IKZF2: variants seen among roughly 807,000 people sequenced by gnomAD.
The protein encoded by IKZF2 is IKAROS family zinc finger 2.
A neutral mutation model predicts 49.2 loss-of-function variants in IKZF2; 15 were observed. That is an observed-to-expected ratio of 0.30 (90% CI 0.20 to 0.47). The LOEUF (loss-of-function observed/expected upper bound fraction) is 0.47, where lower values mean the gene tolerates loss of function less well. Among genes scored for constraint, IKZF2 ranks in the 20% least tolerant of loss-of-function variants. The pLI is 1.00. For missense variants in IKZF2, 567 were observed against 664.6 expected, an observed-to-expected ratio of 0.85 and a Z score of 1.61; for synonymous variants, 227 against 221.4, an observed-to-expected ratio of 1.03 and a Z score of -0.23.
intron 4 of IKZF2, among the ~76,000 whole-genome samples, chr2:213,144,878 A>G (rs1559330963): frequency 6.6e-6 from 1 of 151,980 alleles, no homozygotes; most frequent in Non-Finnish European, 1.5e-5. Flanking sequence ...AGTTTATCTT[A>G]GATGCTAAAT....
intron 4 of IKZF2, among the ~76,000 whole-genome samples, chr2:213,086,603 C>A (rs895478983): frequency 2.0e-5 from 3 of 152,102 alleles, no homozygotes; most frequent in Non-Finnish European, 2.9e-5. Flanking sequence ...CTAAAGATGT[C>A]CAGAGATTGC....
intron 7 of IKZF2, chr2:213,016,894 C>A (rs1696672191): frequency 2.6e-5 from 4 of 152,128 alleles, no homozygotes. Context: ...AGTACCTGGA[C>A]TGAGGGTCCC....
At chr2:213,030,192 T>C (rs2125171635) in intron 6 of IKZF2, among the ~76,000 whole-genome samples, 1 of 152,278 alleles carries the variant, frequency 6.6e-6, no homozygotes, top group East Asian at 1.9e-4. Context: ...GTTTCCCACG[T>C]TGTGATTTCT....
At chr2:213,048,868 C>A (rs1369974936) in intron 6 of IKZF2, among the ~76,000 whole-genome samples, 1 of 151,980 alleles carries the variant, frequency 6.6e-6, no homozygotes, top group Non-Finnish European at 1.5e-5. Context: ...ATTAAAATAT[C>A]ACTTCCATCA....
intron 4 of IKZF2, among the ~76,000 whole-genome samples, chr2:213,102,786 T>A (rs1361915637): frequency 6.6e-6 from 1 of 152,034 alleles, no homozygotes; most frequent in Non-Finnish European, 1.5e-5. Context: ...AAAATTTTTT[T>A]AAAAAGAAGT....
chr2:213,096,676 T>C (rs1706034136), intron 4 of IKZF2, among the ~76,000 whole-genome samples: 1 of 151,984 alleles, frequency 6.6e-6, no homozygotes, highest in Non-Finnish European at 1.5e-5. Context: ...GATAAATCTG[T>C]CTGCATTTCT....
intron 4 of IKZF2, among the ~76,000 whole-genome samples, chr2:213,107,340 C>A (rs901079103): frequency 1.3e-5 from 2 of 152,194 alleles, no homozygotes; most frequent in East Asian, 3.9e-4. Flanking sequence ...GAGATGATCA[C>A]TGTGAGGTCT....
rs1697275177 is a variant in IKZF2 at position 213,021,974 on chromosome 2, G to C, written c.712+19C>G. ...AGCAGTAGGGGGAAATAAAAATGATGAATCCAGTTTCTACCCACCATGGTG... is the reference window on the plus strand; with the variant it reads ...AGCAGTAGGGGGAAATAAAAATGATCAATCCAGTTTCTACCCACCATGGTG... On this transcript the variant is annotated intron_variant, in intron 7 of 8. Coordinates refer to ENST00000434687, the MANE Select transcript of IKZF2 (RefSeq NM_001387220.1). 1.3e-6 allele frequency: 2 copies of C among 1,591,526 alleles called. No homozygotes were observed. The highest frequency in any genetic ancestry group is 1.4e-5 in the African/African-American group (1 of 73,824).
intron 4 of IKZF2, among the ~76,000 whole-genome samples, chr2:213,074,806 C>T (rs1189934349): frequency 6.6e-6 from 1 of 152,116 alleles, no homozygotes; most frequent in African/African-American, 2.4e-5. Flanking sequence ...TTCTCTTAAA[C>T]ATTCTATAAA....
chr2:213,126,754 C>A (rs2060274182), intron 4 of IKZF2, among the ~76,000 whole-genome samples: 1 of 152,066 alleles, frequency 6.6e-6, no homozygotes, highest in East Asian at 1.9e-4. Context: ...ATAATAATTT[C>A]CTCATTTCCA....
intron 4 of IKZF2, among the ~76,000 whole-genome samples, chr2:213,138,449 G>T (rs183466939): frequency 3.9e-4 from 59 of 151,976 alleles, no homozygotes; most frequent in Admixed American, 1.5e-3. Context: ...TAGGATTTTT[G>T]GATTATTTCA....
chr2:213,137,167 G>C (rs1387088747), intron 4 of IKZF2, among the ~76,000 whole-genome samples: 1 of 151,770 alleles, frequency 6.6e-6, no homozygotes, highest in Non-Finnish European at 1.5e-5. Flanking sequence ...CTATCATTAG[G>C]TCATTAATGT....
chr2:213,148,199 A>T (rs1289727180), intron 3 of IKZF2, among the ~76,000 whole-genome samples: 1 of 152,218 alleles, frequency 6.6e-6, no homozygotes, highest in Non-Finnish European at 1.5e-5. Context: ...TAGCTAAAGA[A>T]ATGTCAAGTT....
chr2:213,076,734 A>G (rs1703305400), intron 4 of IKZF2, among the ~76,000 whole-genome samples: 3 of 152,168 alleles, frequency 2.0e-5, no homozygotes, highest in African/African-American at 7.2e-5. Flanking sequence ...GAGATGTCCA[A>G]CTTCCAAATT....
At chr2:213,104,638 A>G (rs1443245860) in intron 4 of IKZF2, among the ~76,000 whole-genome samples, 1 of 152,190 alleles carries the variant, frequency 6.6e-6, no homozygotes, top group Non-Finnish European at 1.5e-5. Flanking sequence ...TTAAACACTG[A>G]TAAGGGCACG....
chr2:213,137,352 C>A (rs2060713748), intron 4 of IKZF2, among the ~76,000 whole-genome samples: 1 of 152,060 alleles, frequency 6.6e-6, no homozygotes, highest in Admixed American at 6.5e-5. Flanking sequence ...AGTCATTTTA[C>A]ATTTCCAAAT....
chr2:213,063,967 C>G (rs1403180769), intron 4 of IKZF2, among the ~76,000 whole-genome samples: 1 of 151,990 alleles, frequency 6.6e-6, no homozygotes, highest in African/African-American at 2.4e-5. Context: ...ATAAACCAAA[C>G]TATTGAATTA....
intron 4 of IKZF2, among the ~76,000 whole-genome samples, chr2:213,092,018 T>G (rs1705399768): frequency 6.6e-6 from 1 of 152,034 alleles, no homozygotes; most frequent in Non-Finnish European, 1.5e-5. Context: ...TATACTAGTA[T>G]TTGTATACAT....
chr2:213,023,363 A>T (rs1697440093), intron 6 of IKZF2, among the ~76,000 whole-genome samples: 1 of 152,202 alleles, frequency 6.6e-6, no homozygotes, highest in Non-Finnish European at 1.5e-5. Context: ...ATTGTAATTG[A>T]GGTACACATA....
Sources: allele counts gnomAD v4.1 joint callset (sites outside exome capture counted in the v4.1 genomes callset), GRCh38; gene constraint gnomAD v4.1.1; transcripts MANE v1.5; gene names NCBI Gene and HGNC (gene_info 2026-07-23, HGNC 2026-07-21).